ZBTB24: variants seen among roughly 807,000 people sequenced by gnomAD.
ZBTB24 encodes zinc finger and BTB domain-containing protein 24.
Under a neutral mutation model 53.8 loss-of-function variants are expected in ZBTB24, and 32 were observed. The observed-to-expected ratio is 0.60, with a 90% CI of 0.45 to 0.80. The LOEUF is 0.80. Among genes scored for constraint, ZBTB24 ranks in the 30% least tolerant of loss-of-function variants. The pLI, the probability that ZBTB24 is intolerant of heterozygous loss-of-function variation, is 0.00. For synonymous variants in ZBTB24, 297 were observed against 306.7 expected (o/e 0.97, Z 0.33); for missense variants, 722 against 837.1 (o/e 0.86, Z 1.70).
rs1221060519 is a variant in ZBTB24, at chr6:109,463,736, G to GA, written c.*2114dup. On this transcript the variant is annotated 3_prime_UTR_variant, in exon 7 of 7. Coordinates refer to ENST00000230122, the MANE Select transcript of ZBTB24 (RefSeq NM_014797.3). Reference sequence around the variant, plus strand: ...ACACCAGATTTCGAAAGCTTAGTATGAAAAAGAGAATGTAAAATGTCTCAC... The same window carrying GA: ...ACACCAGATTTCGAAAGCTTAGTATGAAAAAAGAGAATGTAAAATGTCTCAC... 1 of 152,166 alleles carries GA rather than the reference G, an allele frequency of 6.6e-6. No homozygotes were observed. The highest frequency in any genetic ancestry group is 2.4e-5 in the African/African-American group (1 of 41,450). 9.4% of individuals were successfully genotyped at this position (152,166 alleles called of 1,614,324 possible).
At position 109,476,750 on chromosome 6, in the gene ZBTB24, C is replaced by A; in HGVS notation, c.1120+13G>T. 2 of 1,611,370 alleles carry A rather than the reference C, an allele frequency of 1.2e-6. No homozygotes were observed. Among genetic ancestry groups the A allele is most frequent in the Middle Eastern group, 1.9e-4 (1 of 5,348 alleles). ...AATCTGGTGAAGCTGGCCCTCTGGG[C>A]AAGCCCCACTACCTGAGTGCAGGCT... is the stretch of plus-strand genomic sequence containing the variant. On this transcript the variant is annotated intron_variant, in intron 3 of 6. Transcript: ENST00000230122.
chr6:109,474,076 C>G (rs1368623469), intron 5 of ZBTB24, among the ~76,000 whole-genome samples: 11 of 121,718 alleles, frequency 9.0e-5, no homozygotes, highest in Admixed American at 1.9e-4. Context: ...GCGACAGAGA[C>G]AGTGACTCCA....
Position 109,480,489 on chromosome 6 carries a change from A to C in ZBTB24, c.952+586T>G, listed in dbSNP as rs148015678. Among the ~76,000 whole-genome samples, 488 of 152,362 alleles carry C rather than the reference A, an allele frequency of 3.2e-3. 4 individuals are homozygous for C. Among genetic ancestry groups the C allele is most frequent in the Non-Finnish European group, 5.9e-3 (401 of 68,032 alleles). On this transcript the variant is annotated intron_variant, in intron 2 of 6. Transcript: ENST00000230122. ...GTTACTGGCCACCATATTGGACATC[A>C]GAGATGTAGGAACATTTCCATCATC...
chr6:109,476,013 A>G (rs1776270600), intron 4 of ZBTB24, among the ~76,000 whole-genome samples, 162 bp downstream of exon 4: 1 of 152,252 alleles, frequency 6.6e-6, no homozygotes, highest in Non-Finnish European at 1.5e-5. Context: ...GTGGCGGACA[A>G]TAACATAAAA....
rs1775980121 is a variant in ZBTB24, at chr6:109,464,285, A to G, written c.*1566T>C. 1 of 152,210 alleles carries G rather than the reference A, an allele frequency of 6.6e-6. No homozygotes were observed. The highest frequency in any genetic ancestry group is 6.5e-5 in the Admixed American group (1 of 15,274). The allele number at this position is 152,210 out of a possible 1,614,324, so 9.4% of individuals were successfully genotyped here. On this transcript the variant is annotated 3_prime_UTR_variant, in exon 7 of 7. Transcript: ENST00000230122. Reference sequence around the variant, plus strand: ...AATATAGCTTAGCAAATATGCAACCAAAATGTTTTTATCTTCTCTCAAACC... The same window carrying G: ...AATATAGCTTAGCAAATATGCAACCGAAATGTTTTTATCTTCTCTCAAACC...
At chr6:109,472,505 T>C (rs186535070) in intron 5 of ZBTB24, among the ~76,000 whole-genome samples, 2 of 152,142 alleles carry the variant, frequency 1.3e-5, no homozygotes, top group African/African-American at 4.8e-5. Context: ...CTCCCCCTTA[T>C]GCTCAGGCAA....
Position 109,465,636 on chromosome 6 carries a change from T to C in ZBTB24, c.*215A>G. On this transcript the variant is annotated 3_prime_UTR_variant, in exon 7 of 7. Transcript: ENST00000230122. The stretch of plus-strand genomic sequence containing the variant: ...GATTAAAATGAAAACCATTCAATAA[T>C]ATTGAAATGCTCAATACAAATCAGT... 2 of 1,544,738 alleles carry C rather than the reference T, an allele frequency of 1.3e-6. No individual in the cohort carries two copies. The highest frequency in any genetic ancestry group is 1.7e-6 in the Non-Finnish European group (2 of 1,150,896).
At position 109,464,173 on chromosome 6, in the gene ZBTB24, C is replaced by T. The variant is rs557556303; in HGVS notation, c.*1678G>A. The stretch of plus-strand genomic sequence containing the variant: ...TGTTTGTAAAAAATTGTTATCTTTG[C>T]TCTAGTCAGGCCTGATTTAACATTA... On this transcript the variant is annotated 3_prime_UTR_variant, in exon 7 of 7. Coordinates refer to ENST00000230122, the MANE Select transcript of ZBTB24 (RefSeq NM_014797.3). 18 of 152,246 alleles carry T rather than the reference C, an allele frequency of 1.2e-4. No homozygotes were observed. The highest frequency in any genetic ancestry group is 4.3e-4 in the African/African-American group (18 of 41,538). The allele number at this position is 152,246 out of a possible 1,614,324, so 9.4% of individuals were successfully genotyped here. A position where few individuals can be genotyped will look rare whatever the true frequency, so the allele number is the denominator to read the frequency against.
chr6:109,481,433 A>G lies in ZBTB24; in HGVS notation c.594T>C (p.Phe198=). 1 of 1,614,110 alleles carries G rather than the reference A, an allele frequency of 6.2e-7. No individual in the cohort carries two copies. The highest frequency in any genetic ancestry group is 8.5e-7 in the Non-Finnish European group (1 of 1,180,006). The part of the protein sequence containing the change: ...VNNSVQNRQN[F]VVKGDSGVLN... ...GTACACCACTGTCTCCTTTAACCAC[A>G]AAGTTTTGTCTATTCTGAACTGAAT... Residue 198 remains phenylalanine (F), a synonymous_variant, in exon 2 of 7, where the codon TTT becomes TTC. Coordinates refer to ENST00000230122, the MANE Select transcript of ZBTB24 (RefSeq NM_014797.3).
rs755100372 is a variant in ZBTB24 at position 109,475,489 on chromosome 6, G to A, written c.1205-7C>T. 5.0e-6 allele frequency: 8 copies of A among 1,613,994 alleles called. No homozygotes were observed. Among genetic ancestry groups the A allele is most frequent in the South Asian group, 1.1e-5 (1 of 91,070 alleles). The stretch of plus-strand genomic sequence containing the variant: ...CATTCCGGTAATGAGTGGCCTTGTC[G>A]CAACAATAAAAAAAGTGTCAGTGCA... On this transcript the variant is annotated splice_polypyrimidine_tract_variant and splice_region_variant and intron_variant, in intron 4 of 6. Transcript: ENST00000230122.
At chr6:109,475,512 G>T in intron 4 of ZBTB24, 30 bp from the exon 5 acceptor site, 1 of 1,610,112 alleles carries the variant, frequency 6.2e-7, no homozygotes, top group Non-Finnish European at 8.5e-7. Flanking sequence ...AAGTGTCAGT[G>T]CATACATGCT....
In ZBTB24 at chr6:109,481,903, T is replaced by C; in HGVS notation, c.124A>G (p.Ile42Val). The change falls in exon 2 of 7, where the codon ATC becomes GTC. Residue 42 changes from isoleucine to valine, a missense_variant. Transcript: ENST00000230122. ...GCCCGGAAATGTACATTCTCCACGA[T>C]TAAAGTAATGTCACAGAGGAAGCCT... ...KKGFLCDITL[I>V]VENVHFRAHK... 1 of 1,614,092 alleles carries C rather than the reference T, an allele frequency of 6.2e-7. No homozygotes were observed. Among genetic ancestry groups the C allele is most frequent in the Non-Finnish European group, 8.5e-7 (1 of 1,180,006 alleles).
At position 109,476,778 on chromosome 6, in the gene ZBTB24, T is replaced by C. The variant is rs746179625; in HGVS notation, c.1105A>G (p.Met369Val). The C allele has an allele frequency of 1.2e-6, 2 of 1,613,524 alleles. No homozygotes were observed. ...LTTKHSLLEH[M>V]SLHSGQKSFT... ...GCCCCACTACCTGAGTGCAGGCTCA[T>C]GTGCTCCAGCAGTGAGTGCTTGGTG... Residue 369 changes from methionine (M) to valine (V), a missense_variant, in exon 3 of 7, where the codon ATG (methionine) becomes GTG (valine). Physicochemically the swap from Met to Val is conservative, Grantham distance 21 (BLOSUM62 1). Transcript: ENST00000230122.
At position 109,465,840 on chromosome 6, in the gene ZBTB24, G is replaced by A. The variant is rs1006638909; in HGVS notation, c.*11C>T. ...GAAGAGCCCAATCAAGCAGTCAAAC[G>A]TGTTTACAGGTCAGCTCTGCTCCTG... On this transcript the variant is annotated 3_prime_UTR_variant, in exon 7 of 7. Transcript: ENST00000230122. 1.5e-5 allele frequency: 25 copies of A among 1,614,070 alleles called. No homozygotes were observed. Among genetic ancestry groups the A allele is most frequent in the East Asian group, 4.5e-5 (2 of 44,888 alleles).
chr6:109,466,068 T>C lies in ZBTB24; in HGVS notation c.1877A>G (p.Gln626Arg), dbSNP rs755495654. ...TGGCTCTGTTTGTGAGGGCCCCATC[T>C]GGCTTTCAATCATATTGAGGCTCTG... ...HIQSLNMIES[Q>R]MGPSQTEPVH... The change falls in exon 7 of 7, where the codon CAG becomes CGG. Residue 626 changes from glutamine (Q) to arginine (R), a missense_variant. Gln to Arg is a conservative substitution (Grantham distance 43, BLOSUM62 1). Transcript: ENST00000230122. The C allele has an allele frequency of 3.1e-6, 5 of 1,614,230 alleles. No homozygotes were observed. In the South Asian group the frequency reaches 4.4e-5, roughly 14 times the overall value.
intron 5 of ZBTB24, among the ~76,000 whole-genome samples, chr6:109,470,147 C>T (rs1423941332): frequency 2.0e-5 from 3 of 152,156 alleles, no homozygotes; most frequent in Non-Finnish European, 4.4e-5. Context: ...GCCTGAGAGG[C>T]ATGGGGACCG....
chr6:109,468,257 T>C (rs1410537425), intron 5 of ZBTB24, among the ~76,000 whole-genome samples: 1 of 152,106 alleles, frequency 6.6e-6, no homozygotes, highest in Admixed American at 6.5e-5. Context: ...CCATTTCTGC[T>C]CTTGCTTCCC....
intron 5 of ZBTB24, among the ~76,000 whole-genome samples, chr6:109,469,908 G>A (rs1228659278): frequency 2.0e-5 from 3 of 152,122 alleles, no homozygotes; most frequent in Non-Finnish European, 2.9e-5. Flanking sequence ...AAGGATCACT[G>A]TCAGGAGTCA....
chr6:109,467,862 T>C, intron 5 of ZBTB24, 128 bp from the exon 6 acceptor site: 2 of 1,060,924 alleles, frequency 1.9e-6, no homozygotes, highest in Non-Finnish European at 2.7e-6. Flanking sequence ...GGCAATCCCC[T>C]CCGTAAGCGT....
Sources: allele counts gnomAD v4.1 joint callset (sites outside exome capture counted in the v4.1 genomes callset), GRCh38; gene constraint gnomAD v4.1.1; transcripts MANE v1.5; gene names NCBI Gene and HGNC (gene_info 2026-07-23, HGNC 2026-07-21).